Variants in SLC22A4 observed in about 807,000 individuals in gnomAD.
SLC22A4 encodes the protein ET transporter.
A neutral mutation model predicts 56.6 loss-of-function variants in SLC22A4; 39 were observed. The observed-to-expected ratio is 0.69, with a 90% CI of 0.53 to 0.90. SLC22A4 has a LOEUF of 0.90. SLC22A4 is among the 40% of genes least tolerant of loss of function. The pLI is 0.00. For synonymous variants in SLC22A4, 241 were observed against 281.4 expected (o/e 0.86, Z 1.44); for missense variants, 594 against 696.5 (o/e 0.85, Z 1.66).
chr5:132,338,952 C>T (rs2126742779), intron 8 of SLC22A4, among the ~76,000 whole-genome samples: 1 of 152,320 alleles, frequency 6.6e-6, no homozygotes, highest in Admixed American at 6.5e-5. Context: ...TAGGAAATCA[C>T]AAGGGTGTTG....
intron 1 of SLC22A4, among the ~76,000 whole-genome samples, chr5:132,309,773 A>C (rs928312795): frequency 6.6e-6 from 1 of 152,016 alleles, no homozygotes; most frequent in African/African-American, 2.4e-5. Flanking sequence ...CTTGCAAATT[A>C]AGTAGCCAGT....
intron 3 of SLC22A4, 62 bp downstream of exon 3, chr5:132,313,830 G>A: frequency 6.6e-7 from 1 of 1,519,862 alleles, no homozygotes. Flanking sequence ...CCCAGAAAGA[G>A]GAAATCATTG....
At position 132,313,621 on chromosome 5, in the gene SLC22A4, A is replaced by G. The variant is rs371708747; in HGVS notation, c.505A>G (p.Arg169Gly). The G allele has an allele frequency of 3.1e-6, 5 of 1,614,146 alleles. No individual in the cohort carries two copies. Among genetic ancestry groups the G allele is most frequent in the Non-Finnish European group, 4.2e-6 (5 of 1,180,040 alleles). ...TTATACTGCATTCTCTAGGTTTGGC[A>G]GGAAGAACGTTCTCTTCGCAACCAT... ...VSGQLSDRFG[R>G]KNVLFATMAV... is the part of the protein sequence containing the mutation. The change falls in exon 3 of 10, where the codon AGG becomes GGG. Residue 169 changes from arginine to glycine, a missense_variant. Arg to Gly is a moderately radical substitution (Grantham distance 125, BLOSUM62 -2). Coordinates refer to ENST00000200652, the MANE Select transcript of SLC22A4 (RefSeq NM_003059.3).
intron 3 of SLC22A4, among the ~76,000 whole-genome samples, chr5:132,315,383 G>A (rs1393095545): frequency 6.6e-6 from 1 of 152,176 alleles, no homozygotes; most frequent in Non-Finnish European, 1.5e-5. Context: ...GGAACAAGGT[G>A]GGACTTGTGC....
chr5:132,311,671 G>C (rs1750183167), intron 1 of SLC22A4: 1 of 179,994 alleles, frequency 5.6e-6, no homozygotes, highest in Non-Finnish European at 1.2e-5. Context: ...TAAAGTCACA[G>C]AGCTCCTGGA....
At chr5:132,335,696 T>C in intron 7 of SLC22A4, 122 bp from the exon 8 acceptor site, 1 of 839,968 alleles carries the variant, frequency 1.2e-6, no homozygotes, top group Non-Finnish European at 2.0e-6. Flanking sequence ...AAATGCTATT[T>C]TGGGAATATA....
chr5:132,301,624 A>G (rs911326263), intron 1 of SLC22A4, among the ~76,000 whole-genome samples: 1 of 152,330 alleles, frequency 6.6e-6, no homozygotes, highest in African/African-American at 2.4e-5. Context: ...GGCGAAGGAT[A>G]AGGCCTCTTC....
At chr5:132,308,252 T>C (rs1750087275) in intron 1 of SLC22A4, among the ~76,000 whole-genome samples, 1 of 152,138 alleles carries the variant, frequency 6.6e-6, no homozygotes, top group African/African-American at 2.4e-5. Flanking sequence ...ACATCTGTCC[T>C]GTAAAGTATG....
intron 8 of SLC22A4, among the ~76,000 whole-genome samples, chr5:132,337,328 G>A (rs1580848369): frequency 7.3e-6 from 1 of 137,380 alleles, no homozygotes; most frequent in Non-Finnish European, 1.5e-5. Flanking sequence ...GTAGTGGTGC[G>A]ATCCTAGATT....
At chr5:132,337,245 A>T (rs1199908821) in intron 8 of SLC22A4, among the ~76,000 whole-genome samples, 1 of 151,402 alleles carries the variant, frequency 6.6e-6, no homozygotes, top group African/African-American at 2.4e-5. Flanking sequence ...GGTTTTCAAT[A>T]ATCTCACCAA....
At chr5:132,325,321 T>A (rs1162202438) in intron 4 of SLC22A4, among the ~76,000 whole-genome samples, 1 of 152,162 alleles carries the variant, frequency 6.6e-6, no homozygotes, top group East Asian at 1.9e-4. Context: ...TAAATAAAAT[T>A]GAATTTTCAT....
intron 3 of SLC22A4, among the ~76,000 whole-genome samples, chr5:132,319,902 T>C (rs1054550379): frequency 6.6e-6 from 1 of 152,150 alleles, no homozygotes; most frequent in Non-Finnish European, 1.5e-5. Flanking sequence ...GGAATATTAG[T>C]TTTTATATAA....
intron 1 of SLC22A4, 31 bp from the exon 2 acceptor site, chr5:132,312,130 G>C: frequency 7.3e-7 from 1 of 1,375,972 alleles, no homozygotes; most frequent in Admixed American, 1.7e-5. Flanking sequence ...CTCAGGGTTG[G>C]GCTCACGCTT....
intron 2 of SLC22A4, among the ~76,000 whole-genome samples, chr5:132,312,972 G>A (rs1228755825): frequency 6.6e-6 from 1 of 152,222 alleles, no homozygotes. Context: ...CTATCCACTG[G>A]TCACTACCAG....
At chr5:132,297,681 A>C (rs1398810932) in intron 1 of SLC22A4, among the ~76,000 whole-genome samples, 1 of 152,032 alleles carries the variant, frequency 6.6e-6, no homozygotes, top group Non-Finnish European at 1.5e-5. Flanking sequence ...AAAGAAAAAA[A>C]AAACACCCAG....
At chr5:132,309,479 G>A (rs1750126799) in intron 1 of SLC22A4, among the ~76,000 whole-genome samples, 1 of 152,204 alleles carries the variant, frequency 6.6e-6, no homozygotes, top group African/African-American at 2.4e-5. Flanking sequence ...CCCTCTTCAG[G>A]GAGGGAATGG....
At chr5:132,333,090 CTAAT>C (rs1487111098) in intron 6 of SLC22A4, among the ~76,000 whole-genome samples, 1 of 152,128 alleles carries the variant, frequency 6.6e-6, no homozygotes, top group Non-Finnish European at 1.5e-5. Context: ...CTTGTATTAT[CTAAT>C]TTGGGTCTAG....
chr5:132,307,098 T>C (rs1750058898), intron 1 of SLC22A4, among the ~76,000 whole-genome samples: 1 of 152,220 alleles, frequency 6.6e-6, no homozygotes, highest in African/African-American at 2.4e-5. Flanking sequence ...GAGTAAATGT[T>C]ATGGTGTATA....
chr5:132,312,172 G>A lies in SLC22A4; in HGVS notation c.405G>A (p.Val135=), dbSNP rs745386993. The A allele has an allele frequency of 1.2e-5, 20 of 1,608,646 alleles. No homozygotes were observed. The highest frequency in any genetic ancestry group is 1.4e-5 in the Non-Finnish European group (17 of 1,174,918). The part of the protein sequence containing the change: ...LSTVVTEWNL[V]CEDNWKVPLT... ...GTCTTCCTTGGCAGTGGAATCTGGTGTGTGAGGACAACTGGAAGGTGCCCC... is the reference window on the plus strand; with the variant it reads ...GTCTTCCTTGGCAGTGGAATCTGGTATGTGAGGACAACTGGAAGGTGCCCC... Residue 135 remains valine, a synonymous_variant, in exon 2 of 10, where the codon GTG becomes GTA. Transcript: ENST00000200652.
Sources: allele counts gnomAD v4.1 joint callset (sites outside exome capture counted in the v4.1 genomes callset), GRCh38; gene constraint gnomAD v4.1.1; transcripts MANE v1.5; gene names NCBI Gene and HGNC (gene_info 2026-07-23, HGNC 2026-07-21).